The following PCYT1A variants were observed in gnomAD, a reference collection of about 807,000 sequenced individuals.
PCYT1A encodes the protein choline-phosphate cytidylyltransferase A.
PCYT1A carries 25 observed loss-of-function variants against 43.7 expected under a neutral mutation model. The ratio of observed to expected loss-of-function variants is 0.57; its 90% CI spans 0.42 to 0.80. The LOEUF (loss-of-function observed/expected upper bound fraction) is 0.80. PCYT1A is among the 30% of genes least tolerant of loss of function. PCYT1A has a pLI of 0.00. For missense variants in PCYT1A, 421 were observed against 474.2 expected (o/e 0.89, Z 1.04); for synonymous variants, 172 against 170.7 (o/e 1.01, Z -0.06).
chr3:196,282,464 G>T lies in PCYT1A; in HGVS notation c.-11+5151C>A, dbSNP rs536438219. ...GAAGTCTGTGAATTTGGATGAAAAAGACTGTATCTTTATTTTCACTTCAGT... is the reference window on the plus strand; with the variant it reads ...GAAGTCTGTGAATTTGGATGAAAAATACTGTATCTTTATTTTCACTTCAGT... On this transcript the variant is annotated intron_variant, in intron 1 of 8. Coordinates refer to ENST00000431016, the MANE Select transcript of PCYT1A (RefSeq NM_001312673.2). This position sits in a 1 kb window ranked among gnomAD's most constrained non-coding sequence, Gnocchi z 4.3. Among the ~76,000 whole-genome samples the T allele has an allele frequency of 6.6e-6, 1 of 152,172 alleles. No individual in the cohort carries two copies. The highest frequency in any genetic ancestry group is 1.5e-5 in the Non-Finnish European group (1 of 68,036).
intron 8 of PCYT1A, among the ~76,000 whole-genome samples, chr3:196,239,216 G>GTGGA (rs1724276256): frequency 6.6e-6 from 1 of 152,198 alleles, no homozygotes; most frequent in South Asian, 2.1e-4. Context: ...GCTACTTGTA[G>GTGGA]TGGAGGCTGC....
intron 8 of PCYT1A, 143 bp downstream of exon 8, chr3:196,239,404 G>T: frequency 1.8e-6 from 1 of 542,344 alleles, no homozygotes; most frequent in Non-Finnish European, 3.2e-6. Flanking sequence ...AAACCTTGCT[G>T]GGGACAGTTG....
rs561878778 is a variant in PCYT1A at position 196,262,994 on chromosome 3, G to A, written c.118-5107C>T. On this transcript the variant is annotated intron_variant, in intron 2 of 8. Transcript: ENST00000431016. Reference sequence around the variant, plus strand: ...AGTTTTAGTAGAGACAGGGTTTCGCGATGTTGGCCAGGCTGGTTTTGAACT... The same window carrying A: ...AGTTTTAGTAGAGACAGGGTTTCGCAATGTTGGCCAGGCTGGTTTTGAACT... 4.5e-4 allele frequency among the ~76,000 whole-genome samples: 68 copies of A among 151,908 alleles called. No homozygotes were observed. In the South Asian group the frequency reaches 0.013, roughly 30 times the overall value.
chr3:196,260,798 T>C (rs1323828879), intron 2 of PCYT1A, among the ~76,000 whole-genome samples: 1 of 152,120 alleles, frequency 6.6e-6, no homozygotes, highest in Admixed American at 6.6e-5. Context: ...GCTGAGATTG[T>C]GCTACCGTAC....
Position 196,248,305 on chromosome 3 carries a change from A to T in PCYT1A, c.236T>A (p.Val79Asp). Reference protein sequence around the residue: ...RGTPCERPVRVYADGIFDLFH... With the variant: ...RGTPCERPVRDYADGIFDLFH... ...TAAGTCAAATATTCCATCGGCATAA[A>T]CTCTCACAGGTCGCTCACCTAAATC... Residue 79 changes from valine to aspartate, a missense_variant, in exon 4 of 9, where the codon GTT becomes GAT. Coordinates refer to ENST00000431016, the MANE Select transcript of PCYT1A (RefSeq NM_001312673.2). The T allele has an allele frequency of 6.2e-7, 1 of 1,607,942 alleles. No individual in the cohort carries two copies. Among genetic ancestry groups the T allele is most frequent in the South Asian group, 1.1e-5 (1 of 90,930 alleles).
rs1725803867 is a variant in PCYT1A at position 196,282,793 on chromosome 3, A to G, written c.-11+4822T>C. ...AAAGAAACATAATCACATTTAGGGT[A>G]ATTTTCTGTATATAAAAAAACTACC... On this transcript the variant is annotated intron_variant, in intron 1 of 8. Transcript: ENST00000431016. The surrounding 1 kb of genome is among the most constrained non-coding windows in gnomAD (Gnocchi z 4.3). 6.6e-6 allele frequency among the ~76,000 whole-genome samples: 1 copy of G among 152,168 alleles called. No homozygotes were observed. The highest frequency in any genetic ancestry group is 2.4e-5 in the African/African-American group (1 of 41,448).
In PCYT1A at chr3:196,247,398, G is replaced by A. The variant is rs746655391; in HGVS notation, c.455C>T (p.Thr152Met). 6.2e-6 allele frequency: 10 copies of A among 1,614,200 alleles called. No individual in the cohort carries two copies. Among genetic ancestry groups the A allele is most frequent in the Middle Eastern group, 1.7e-4 (1 of 6,034 alleles). The change falls in exon 5 of 9, where the codon ACG (threonine) becomes ATG (methionine). Residue 152 changes from threonine to methionine, a missense_variant. Transcript: ENST00000431016. This position sits in a 1 kb window ranked among gnomAD's most constrained non-coding sequence, Gnocchi z 4.8. ...VDEVVRNAPW[T>M]LTPEFLAEHR... The stretch of plus-strand genomic sequence containing the variant: ...TTCGGCCAGGAACTCGGGTGTCAGC[G>A]TCCAGGGCGCATTCCTCACCACCTC...
At chr3:196,246,287 G>A (rs959197960) in intron 5 of PCYT1A, among the ~76,000 whole-genome samples, 7 of 152,080 alleles carry the variant, frequency 4.6e-5, no homozygotes, top group Admixed American at 1.3e-4. Flanking sequence ...CATTCCACGC[G>A]CCCCTGTAGA....
At chr3:196,250,371 A>G (rs1398638248) in intron 3 of PCYT1A, among the ~76,000 whole-genome samples, 1 of 151,650 alleles carries the variant, frequency 6.6e-6, no homozygotes, top group African/African-American at 2.4e-5. Flanking sequence ...AGGATCAGAT[A>G]CACTATGCTG....
At position 196,241,455 on chromosome 3, in the gene PCYT1A, A is replaced by T. The variant is rs1290724019; in HGVS notation, c.708+493T>A. On this transcript the variant is annotated intron_variant, in intron 7 of 8. Transcript: ENST00000431016. ...CTCCCGCCTCAGCCTCCCAAAGTAC[A>T]GGCATGAACTACCATGCCCAGAAAA... 8 of 1,217,474 alleles carry T rather than the reference A, an allele frequency of 6.6e-6. No individual in the cohort carries two copies. The Admixed American group carries it at 1.6e-4, about 25-fold the overall frequency. 75.4% of individuals were successfully genotyped at this position (1,217,474 alleles called of 1,614,324 possible).
At chr3:196,254,155 T>C (rs1437798434) in intron 3 of PCYT1A, among the ~76,000 whole-genome samples, 1 of 151,082 alleles carries the variant, frequency 6.6e-6, no homozygotes, top group African/African-American at 2.4e-5. Context: ...GCCTCCTGAA[T>C]AGCTGGGATT....
At chr3:196,254,178 C>T (rs966741950) in intron 3 of PCYT1A, among the ~76,000 whole-genome samples, 1 of 151,318 alleles carries the variant, frequency 6.6e-6, no homozygotes, top group Non-Finnish European at 1.5e-5. Flanking sequence ...AGGTGTGTGC[C>T]ACCACGCCTG....
At chr3:196,251,166 T>A (rs1341090361) in intron 3 of PCYT1A, among the ~76,000 whole-genome samples, 3 of 132,894 alleles carry the variant, frequency 2.3e-5, no homozygotes, top group Non-Finnish European at 3.2e-5. Flanking sequence ...AGGCTGAGGA[T>A]CACATACACC....
rs772607149 is a variant in PCYT1A, at chr3:196,247,582, G to T, written c.335-64C>A. The T allele has an allele frequency of 6.8e-7, 1 of 1,473,646 alleles. No homozygotes were observed. Among genetic ancestry groups the T allele is most frequent in the Non-Finnish European group, 9.5e-7 (1 of 1,053,498 alleles). The allele number at this position is 1,473,646 out of a possible 1,614,324, so 91.3% of individuals were successfully genotyped here. A position where few individuals can be genotyped will look rare whatever the true frequency, so the allele number is the denominator to read the frequency against. On this transcript the variant is annotated intron_variant, in intron 4 of 8. Coordinates refer to ENST00000431016, the MANE Select transcript of PCYT1A (RefSeq NM_001312673.2). This position sits in a 1 kb window ranked among gnomAD's most constrained non-coding sequence, Gnocchi z 4.8. ...TTTGCTTAGCACCTCCTCAGCCACC[G>T]ACCTCTCCCATCTTCTCCCACTGCT... is the stretch of plus-strand genomic sequence containing the variant.
intron 3 of PCYT1A, among the ~76,000 whole-genome samples, chr3:196,249,530 T>C (rs1016893468): frequency 6.6e-6 from 1 of 152,142 alleles, no homozygotes; most frequent in Admixed American, 6.6e-5. Context: ...AACAGAGAAC[T>C]GTCAACTTAG....
Position 196,250,404 on chromosome 3 carries a change from T to C in PCYT1A, c.218-2081A>G, listed in dbSNP as rs926935154. On this transcript the variant is annotated intron_variant, in intron 3 of 8. Coordinates refer to ENST00000431016, the MANE Select transcript of PCYT1A (RefSeq NM_001312673.2). ...CTGAGGCTGAGGACCAGATACACTA[T>C]GCTGAGGCTGAGGATCAGATACACT... The C allele has an allele frequency of 1.6e-4, 29 of 185,340 alleles. 1 individual carries two copies. Among genetic ancestry groups the C allele is most frequent in the Admixed American group, 6.5e-5 (1 of 15,332 alleles). 11.5% of individuals were successfully genotyped at this position (185,340 alleles called of 1,614,324 possible). A position where few individuals can be genotyped will look rare whatever the true frequency, so the allele number is the denominator to read the frequency against.
At chr3:196,280,780 T>C (rs1366701993) in intron 1 of PCYT1A, among the ~76,000 whole-genome samples, 1 of 152,138 alleles carries the variant, frequency 6.6e-6, no homozygotes, top group Non-Finnish European at 1.5e-5. Flanking sequence ...CTGTAATAAA[T>C]GTTATCTGAA....
chr3:196,251,851 T>A (rs1724799018), intron 3 of PCYT1A, among the ~76,000 whole-genome samples: 2 of 152,146 alleles, frequency 1.3e-5, no homozygotes, highest in Admixed American at 6.5e-5. Flanking sequence ...GAGGGAGACA[T>A]TTTACTTTAT....
At chr3:196,243,449 A>G (rs1017194337) in intron 5 of PCYT1A, among the ~76,000 whole-genome samples, 8 of 152,200 alleles carry the variant, frequency 5.3e-5, no homozygotes, top group Non-Finnish European at 1.2e-4. Context: ...AGATACATCT[A>G]TTGGCCTGAG....
Sources: gnomAD v4.1 joint callset for allele counts (sites outside exome capture counted in the v4.1 genomes callset) on GRCh38, gnomAD v4.1.1 for gene constraint, Gnocchi (gnomAD v3.1) non-coding constraint, MANE v1.5 for transcripts, NCBI Gene and HGNC (gene_info 2026-07-23, HGNC 2026-07-21) for gene names.